The following DLG5 variants were observed in gnomAD, a reference collection of about 807,000 sequenced individuals.
DLG5 encodes disks large homolog 5.
A neutral mutation model predicts 189.8 loss-of-function variants in DLG5; 48 were observed. The ratio of observed to expected loss-of-function variants is 0.25; its 90% CI spans 0.20 to 0.32. DLG5 has a LOEUF of 0.32. Among genes scored for constraint, DLG5 ranks in the 10% least tolerant of loss-of-function variants. The probability of loss-of-function intolerance (pLI) is 1.00; values close to 1 mark genes in which losing one functional copy is unlikely to be tolerated. For missense variants in DLG5, 2,160 were observed against 2,544.7 expected (o/e 0.85, Z 3.25); for synonymous variants, 1,016 against 1,054.1 (o/e 0.96, Z 0.70).
intron 27 of DLG5, among the ~76,000 whole-genome samples, chr10:77,801,045 C>G (rs10762763): frequency 0.39 from 59,136 of 152,068 alleles, 12,371 homozygotes; most frequent in African/African-American, 0.54. Flanking sequence ...CTGGCAACAT[C>G]ACTCGGAGCC....
At chr10:77,843,853 G>C in intron 5 of DLG5, 147 bp from the exon 6 acceptor site, 1 of 959,066 alleles carries the variant, frequency 1.0e-6, no homozygotes, top group Non-Finnish European at 1.6e-6. Flanking sequence ...AGAGTCTTGA[G>C]GTCCAATTCT....
At chr10:77,831,615 C>A (rs960180430) in intron 9 of DLG5, among the ~76,000 whole-genome samples, 1 of 152,144 alleles carries the variant, frequency 6.6e-6, no homozygotes, top group Non-Finnish European at 1.5e-5. Flanking sequence ...GAGACAGACA[C>A]ACAGGTCTGT....
intron 7 of DLG5, among the ~76,000 whole-genome samples, chr10:77,837,422 C>G (rs573550611): frequency 8.7e-4 from 133 of 152,242 alleles, no homozygotes; most frequent in African/African-American, 3.1e-3. Context: ...CAGGTGCAGA[C>G]AGGACGACAG....
intron 3 of DLG5, among the ~76,000 whole-genome samples, chr10:77,855,299 C>A (rs1844177221): frequency 6.6e-6 from 1 of 152,222 alleles, no homozygotes; most frequent in South Asian, 2.1e-4. Context: ...TCAGGCCTAG[C>A]CCCAGCCCCA....
At chr10:77,921,286 A>G (rs1045476913) in intron 1 of DLG5, among the ~76,000 whole-genome samples, 12 of 152,224 alleles carry the variant, frequency 7.9e-5, no homozygotes, top group Non-Finnish European at 1.2e-4. Flanking sequence ...CCTCCAGGGC[A>G]GAGGGGATGA....
intron 1 of DLG5, among the ~76,000 whole-genome samples, chr10:77,898,662 C>T (rs1047382750): frequency 1.3e-5 from 2 of 152,154 alleles, no homozygotes; most frequent in Non-Finnish European, 2.9e-5. Context: ...CTGGGCCCCG[C>T]GTCTATCCCT....
chr10:77,914,529 T>C (rs1248878), intron 1 of DLG5, among the ~76,000 whole-genome samples: 46,738 of 151,952 alleles, frequency 0.31, 7,763 homozygotes, highest in Admixed American at 0.44. Flanking sequence ...AGTAAAGAGC[T>C]AAGATTTAAG....
rs140500174 is a variant in DLG5, at chr10:77,828,229, T to C, written c.2289+653A>G. ...AGCTGGGTGCTGTGGATCATGCCTGTAATCCCAGAACTTTGGGAAGCCAAG... is the reference window on the plus strand; with the variant it reads ...AGCTGGGTGCTGTGGATCATGCCTGCAATCCCAGAACTTTGGGAAGCCAAG... On this transcript the variant is annotated intron_variant, in intron 13 of 31. Transcript: ENST00000372391. Among the ~76,000 whole-genome samples, 27 of 152,296 alleles carry C rather than the reference T, an allele frequency of 1.8e-4. No individual in the cohort carries two copies. In the East Asian group the frequency reaches 4.0e-3, roughly 23 times the overall value.
At position 77,821,937 on chromosome 10, in the gene DLG5, C is replaced by T. The variant is rs756510726; in HGVS notation, c.2547G>A (p.Thr849=). ...GCTCCTTCCTGTCTTCCAGCCTGTC[C>T]GTGTAGAAGATGTCTGTCTGCGTGG... ...NNSTQTDIFY[T]DRLEDRKEPG... is the part of the protein sequence containing the mutation. The change falls in exon 15 of 32, where the codon ACG becomes ACA. Residue 849 remains threonine (T), a synonymous_variant. Transcript: ENST00000372391. The T allele has an allele frequency of 9.9e-6, 16 of 1,614,222 alleles. No individual in the cohort carries two copies. The highest frequency in any genetic ancestry group is 5.0e-5 in the Admixed American group (3 of 60,024).
chr10:77,868,579 G>A, intron 2 of DLG5: 1 of 244,726 alleles, frequency 4.1e-6, no homozygotes, highest in South Asian at 5.3e-5. Context: ...CATCCATCAT[G>A]GTCAGATCAG....
chr10:77,845,255 G>A (rs1843628719), intron 5 of DLG5: 1 of 152,228 alleles, frequency 6.6e-6, no homozygotes, highest in African/African-American at 2.4e-5. Flanking sequence ...ACCTCTCTGG[G>A]TTTCAGCTTC....
chr10:77,938,008 G>A, the DLG5 span, among the ~76,000 whole-genome samples: 6 of 149,236 alleles, frequency 4.0e-5, no homozygotes, highest in South Asian at 4.5e-4. Context: ...GTGAGCCACC[G>A]CGCCTGGCCA....
rs200216420 is a variant in DLG5 at position 77,843,753 on chromosome 10, G to A, written c.865-47C>T. ...TTACCAAGGGTCTGTGGGAGGTGGC[G>A]GAGGAGACCTCCCACTCTCACTTTT... is the stretch of plus-strand genomic sequence containing the variant. On this transcript the variant is annotated intron_variant, in intron 5 of 31. Coordinates refer to ENST00000372391, the MANE Select transcript of DLG5 (RefSeq NM_004747.4). 5.3e-5 allele frequency: 85 copies of A among 1,608,698 alleles called. No individual in the cohort carries two copies. In the African/African-American group the frequency reaches 8.0e-4, roughly 15 times the overall value.
chr10:77,795,745 G>A (rs2241832), intron 29 of DLG5, among the ~76,000 whole-genome samples: 39,944 of 151,934 alleles, frequency 0.26, 5,762 homozygotes, highest in Admixed American at 0.39. Context: ...ACCCCGTTCC[G>A]GAATGCCCTG....
At chr10:77,918,803 C>T (rs1264224373) in intron 1 of DLG5, among the ~76,000 whole-genome samples, 1 of 152,184 alleles carries the variant, frequency 6.6e-6, no homozygotes, top group East Asian at 1.9e-4. Context: ...GCTCAGCCCT[C>T]TTTCTCTATG....
intron 18 of DLG5, 24 bp from the exon 19 acceptor site, chr10:77,817,120 A>G (rs768674731): frequency 2.2e-5 from 36 of 1,608,690 alleles, no homozygotes; most frequent in Non-Finnish European, 3.1e-5. Flanking sequence ...AGGGAACAAA[A>G]CTTCAGGCCT....
chr10:77,908,795 G>C (rs1162364980), intron 1 of DLG5, among the ~76,000 whole-genome samples: 1 of 152,010 alleles, frequency 6.6e-6, no homozygotes, highest in Admixed American at 6.6e-5. Flanking sequence ...CCTGGGGGGT[G>C]GGGGGAGAGA....
At chr10:77,895,174 T>C (rs1845722814) in intron 1 of DLG5, among the ~76,000 whole-genome samples, 1 of 152,086 alleles carries the variant, frequency 6.6e-6, no homozygotes, top group African/African-American at 2.4e-5. Context: ...TGACAGACCC[T>C]CACCCGCAGG....
rs904725368 is a variant in DLG5 at position 77,843,567 on chromosome 10, A to C, written c.1004T>G (p.Leu335Arg). ...CTCCCCCAGCTGCTCCAGGCGGCTC[A>C]GGTCTGCATTGTGGATGGCGACTTT... ...SEKVAIHNAD[L>R]SRLEQLGEEN... The change falls in exon 6 of 32, where the codon CTG (leucine) becomes CGG (arginine). Residue 335 changes from leucine to arginine, a missense_variant. Around this residue, in one of 5 missense-constraint regions of DLG5, gnomAD observed 664 missense variants for 838.5 expected, o/e 0.79. Coordinates refer to ENST00000372391, the MANE Select transcript of DLG5 (RefSeq NM_004747.4). The C allele has an allele frequency of 6.2e-7, 1 of 1,614,040 alleles. No individual in the cohort carries two copies. Among genetic ancestry groups the C allele is most frequent in the Non-Finnish European group, 8.5e-7 (1 of 1,180,046 alleles).
Sources: allele counts gnomAD v4.1 joint callset (sites outside exome capture counted in the v4.1 genomes callset), GRCh38; gene constraint gnomAD v4.1.1; regional missense constraint gnomAD v4.1.1; transcripts MANE v1.5; gene names NCBI Gene and HGNC (gene_info 2026-07-23, HGNC 2026-07-21).